Variants in SLC22A23 observed in about 807,000 individuals in gnomAD.
The protein encoded by SLC22A23 is ion transporter protein.
Under a neutral mutation model 61.0 loss-of-function variants are expected in SLC22A23, and 26 were observed. The observed-to-expected ratio is 0.43, with a 90% confidence interval of 0.31 to 0.59. The LOEUF is 0.59. SLC22A23 is among the 20% of genes least tolerant of loss of function. The probability of loss-of-function intolerance (pLI) is 0.11; values close to 1 mark genes in which losing one functional copy is unlikely to be tolerated. For synonymous variants in SLC22A23, 430 were observed against 413.9 expected (o/e 1.04, Z -0.47); for missense variants, 796 against 934.7 (o/e 0.85, Z 1.94).
chr6:3,330,550 T>C lies in SLC22A23; in HGVS notation c.914-6548A>G, dbSNP rs1248002413. Among the ~76,000 whole-genome samples, 1 of 152,208 alleles carries C rather than the reference T, an allele frequency of 6.6e-6. No homozygotes were observed. The highest frequency in any genetic ancestry group is 1.5e-5 in the Non-Finnish European group (1 of 68,034). On this transcript the variant is annotated intron_variant, in intron 3 of 9. Coordinates refer to ENST00000406686, the MANE Select transcript of SLC22A23 (RefSeq NM_015482.2). This position sits in a 1 kb window ranked among gnomAD's most constrained non-coding sequence, Gnocchi z 4.7. The stretch of plus-strand genomic sequence containing the variant: ...GCCTGGAAGTGAACACACCACTCAA[T>C]AATTACTGCCACAGGCAAGGACGCA...
chr6:3,269,317 C>T lies in SLC22A23; in HGVS notation c.*3738G>A, dbSNP rs991916065. ...CCACCCACCTCGGGGCGAGTGAAGA[C>T]ACAGCTTACAGAGGCGTTCAAAGTA... On this transcript the variant is annotated 3_prime_UTR_variant, in exon 10 of 10. Transcript: ENST00000406686. 2 of 152,336 alleles carry T rather than the reference C, an allele frequency of 1.3e-5. No homozygotes were observed. Among genetic ancestry groups the T allele is most frequent in the Non-Finnish European group, 2.9e-5 (2 of 68,056 alleles). 9.4% of individuals were successfully genotyped at this position (152,336 alleles called of 1,614,324 possible).
chr6:3,398,425 G>A lies in SLC22A23; in HGVS notation c.913+11763C>T, dbSNP rs866582903. ...CTCAGCCAGCAAACAGGAGCAGGCA[G>A]AGCCAACTCTGCTTGGATACAAAGC... is the stretch of plus-strand genomic sequence containing the variant. On this transcript the variant is annotated intron_variant, in intron 3 of 9. Coordinates refer to ENST00000406686, the MANE Select transcript of SLC22A23 (RefSeq NM_015482.2). Among the ~76,000 whole-genome samples, 10 of 149,542 alleles carry A rather than the reference G, an allele frequency of 6.7e-5. 1 individual carries two copies. The South Asian group carries it at 1.3e-3, about 19-fold the overall frequency.
At chr6:3,331,162 G>A (rs1763560528) in intron 3 of SLC22A23, among the ~76,000 whole-genome samples, 1 of 152,186 alleles carries the variant, frequency 6.6e-6, no homozygotes, top group African/African-American at 2.4e-5. Context: ...CCACAGTTAA[G>A]AAATAAACAA....
chr6:3,279,837 G>A (rs1245751028), intron 9 of SLC22A23, among the ~76,000 whole-genome samples: 1 of 152,106 alleles, frequency 6.6e-6, no homozygotes, highest in Non-Finnish European at 1.5e-5. Context: ...GCACAAAATT[G>A]TAATACCCAC....
chr6:3,430,300 G>A (rs559302029), intron 1 of SLC22A23, among the ~76,000 whole-genome samples: 2 of 152,248 alleles, frequency 1.3e-5, no homozygotes, highest in African/African-American at 2.4e-5. Context: ...TTGTCCATGG[G>A]TGAAAGGATC....
intron 1 of SLC22A23, chr6:3,432,081 G>A (rs1047868419): frequency 2.9e-6 from 1 of 340,932 alleles, no homozygotes; most frequent in Admixed American, 6.5e-5. Flanking sequence ...TATGCTATAG[G>A]TGTCATCTCT....
intron 1 of SLC22A23, among the ~76,000 whole-genome samples, chr6:3,436,956 T>G (rs1335857438): frequency 6.6e-6 from 1 of 152,244 alleles, no homozygotes; most frequent in Non-Finnish European, 1.5e-5. Flanking sequence ...TTCTGAAGAC[T>G]TAAAAACTTC....
chr6:3,288,866 T>C (rs1243784302), intron 6 of SLC22A23, among the ~76,000 whole-genome samples: 2 of 152,212 alleles, frequency 1.3e-5, no homozygotes, highest in African/African-American at 4.8e-5. Context: ...TACTGTTGTT[T>C]GGGCAGTAGA....
chr6:3,365,237 A>C (rs1267960559), intron 3 of SLC22A23, among the ~76,000 whole-genome samples: 1 of 152,140 alleles, frequency 6.6e-6, no homozygotes, highest in Non-Finnish European at 1.5e-5. Context: ...CAGGAGAATC[A>C]CTTGAACCCG....
intron 3 of SLC22A23, among the ~76,000 whole-genome samples, chr6:3,391,185 A>G (rs923932076): frequency 5.3e-5 from 8 of 152,250 alleles, no homozygotes; most frequent in African/African-American, 1.9e-4. Flanking sequence ...TTTTGGGCTC[A>G]TGGAAATGTG....
chr6:3,410,452 G>A lies in SLC22A23; in HGVS notation c.759-110C>T, dbSNP rs1769145178. On this transcript the variant is annotated intron_variant, in intron 2 of 9. Coordinates refer to ENST00000406686, the MANE Select transcript of SLC22A23 (RefSeq NM_015482.2). This position sits in a 1 kb window ranked among gnomAD's most constrained non-coding sequence, Gnocchi z 5.0. Reference sequence around the variant, plus strand: ...CTCAATATATGTTGAATGAGTACTGGGTAAAAAGTCCTGTGCCATCTATAC... The same window carrying A: ...CTCAATATATGTTGAATGAGTACTGAGTAAAAAGTCCTGTGCCATCTATAC... The A allele has an allele frequency of 8.4e-7, 1 of 1,196,398 alleles. No individual in the cohort carries two copies. The highest frequency in any genetic ancestry group is 2.9e-5 in the Admixed American group (1 of 34,856). The allele number at this position is 1,196,398 out of a possible 1,614,324, so 74.1% of individuals were successfully genotyped here. A position where few individuals can be genotyped will look rare whatever the true frequency, so the allele number is the denominator to read the frequency against.
At chr6:3,302,073 T>C (rs1298042605) in intron 4 of SLC22A23, among the ~76,000 whole-genome samples, 1 of 152,368 alleles carries the variant, frequency 6.6e-6, no homozygotes, top group East Asian at 1.9e-4. Context: ...TCCTGGACTT[T>C]TCTTTTTTGG....
Position 3,333,087 on chromosome 6 carries a change from T to C in SLC22A23, c.914-9085A>G, listed in dbSNP as rs1763667830. On this transcript the variant is annotated intron_variant, in intron 3 of 9. Coordinates refer to ENST00000406686, the MANE Select transcript of SLC22A23 (RefSeq NM_015482.2). This position sits in a 1 kb window ranked among gnomAD's most constrained non-coding sequence, Gnocchi z 4.1. Reference sequence around the variant, plus strand: ...TGGGAATGACGCTACCACTGACCCATGGAGCAAAGCGGCGGCGCCTCAGCC... The same window carrying C: ...TGGGAATGACGCTACCACTGACCCACGGAGCAAAGCGGCGGCGCCTCAGCC... Among the ~76,000 whole-genome samples the C allele has an allele frequency of 1.3e-5, 2 of 152,184 alleles. No homozygotes were observed. The highest frequency in any genetic ancestry group is 6.5e-5 in the Admixed American group (1 of 15,280).
intron 3 of SLC22A23, among the ~76,000 whole-genome samples, chr6:3,381,535 T>C (rs1766951257): frequency 6.6e-6 from 1 of 152,146 alleles, no homozygotes; most frequent in Non-Finnish European, 1.5e-5. Flanking sequence ...GCACAGCCAC[T>C]GTGATAAACC....
Position 3,439,292 on chromosome 6 carries a change from C to T in SLC22A23, c.654+16614G>A, listed in dbSNP as rs770179775. 4.9e-5 allele frequency: 22 copies of T among 448,858 alleles called. 1 individual carries two copies. Among genetic ancestry groups the T allele is most frequent in the Middle Eastern group, 6.8e-4 (2 of 2,926 alleles). The allele number at this position is 448,858 out of a possible 1,614,324, so 27.8% of individuals were successfully genotyped here. A position where few individuals can be genotyped will look rare whatever the true frequency, so the allele number is the denominator to read the frequency against. On this transcript the variant is annotated intron_variant, in intron 1 of 9. Coordinates refer to ENST00000406686, the MANE Select transcript of SLC22A23 (RefSeq NM_015482.2). ...GCCGAATGTTCTCTGGGAGCAAAATCATACCCCGTGGAAAGTGTCCAGAGA... is the reference window on the plus strand; with the variant it reads ...GCCGAATGTTCTCTGGGAGCAAAATTATACCCCGTGGAAAGTGTCCAGAGA...
chr6:3,273,759 T>C (rs1346567359), intron 9 of SLC22A23, among the ~76,000 whole-genome samples: 1 of 152,246 alleles, frequency 6.6e-6, no homozygotes, highest in Non-Finnish European at 1.5e-5. Flanking sequence ...GAAGCTGATA[T>C]TACTTGCCAT....
chr6:3,286,585 G>A lies in SLC22A23; in HGVS notation c.1546+274C>T, dbSNP rs1241849903. On this transcript the variant is annotated intron_variant, in intron 7 of 9. Transcript: ENST00000406686. The surrounding 1 kb of genome is among the most constrained non-coding windows in gnomAD (Gnocchi z 4.2). ...TCATGTGATGAATCACACAGAAGCA[G>A]TCTACCTATTAGCAAAGACTGGGCC... Among the ~76,000 whole-genome samples, 1 of 152,206 alleles carries A rather than the reference G, an allele frequency of 6.6e-6. No individual in the cohort carries two copies. Among genetic ancestry groups the A allele is most frequent in the African/African-American group, 2.4e-5 (1 of 41,450 alleles).
rs577883038 is a variant in SLC22A23, at chr6:3,308,343, G to A, written c.1083-10125C>T. On this transcript the variant is annotated intron_variant, in intron 4 of 9. Coordinates refer to ENST00000406686, the MANE Select transcript of SLC22A23 (RefSeq NM_015482.2). This position sits in a 1 kb window ranked among gnomAD's most constrained non-coding sequence, Gnocchi z 5.1. ...ACATGTCCTTCCAAATCGTATTCAG[G>A]GCGCTGACACGCACCTGCATCTCCA... Among the ~76,000 whole-genome samples the A allele has an allele frequency of 6.6e-5, 10 of 152,188 alleles. No individual in the cohort carries two copies. The highest frequency in any genetic ancestry group is 3.4e-3 in the Middle Eastern group (1 of 294).
At position 3,412,021 on chromosome 6, in the gene SLC22A23, TG is replaced by T. The variant is rs1423243376; in HGVS notation, c.759-1680del. 4.3e-4 allele frequency among the ~76,000 whole-genome samples: 65 copies of T among 152,176 alleles called. 1 individual carries two copies. The highest frequency in any genetic ancestry group is 9.0e-4 in the Non-Finnish European group (61 of 68,036). ...CCCTTGACTTTCCTGGTCTGTGAAA[TG>T]GGGATAAGCATCCCACATTGTGGAG... On this transcript the variant is annotated intron_variant, in intron 2 of 9. Transcript: ENST00000406686.
Sources: gnomAD v4.1 joint callset for allele counts (sites outside exome capture counted in the v4.1 genomes callset) on GRCh38, gnomAD v4.1.1 for gene constraint, Gnocchi (gnomAD v3.1) non-coding constraint, MANE v1.5 for transcripts, NCBI Gene and HGNC (gene_info 2026-07-23, HGNC 2026-07-21) for gene names.